The following CTTNBP2NL variants were observed in gnomAD, a reference collection of about 807,000 sequenced individuals.
CTTNBP2NL encodes the protein CTTNBP2 N-terminal-like protein.
A neutral mutation model predicts 32.5 loss-of-function variants in CTTNBP2NL; 16 were observed. The observed-to-expected ratio is 0.49, with a 90% confidence interval of 0.33 to 0.75. The LOEUF is 0.75. Among genes scored for constraint, CTTNBP2NL ranks in the 30% least tolerant of loss-of-function variants. The pLI is 0.02. For synonymous variants in CTTNBP2NL, 298 were observed against 289.4 expected (o/e 1.03, Z -0.30); for missense variants, 645 against 756.0 (o/e 0.85, Z 1.72).
At chr1:112,452,341 T>C (rs1650248977) in intron 4 of CTTNBP2NL, among the ~76,000 whole-genome samples, 2 of 138,894 alleles carry the variant, frequency 1.4e-5, no homozygotes, top group African/African-American at 2.9e-5. Context: ...TCTTCTTTTT[T>C]TTTTTTTTTT....
chr1:112,403,827 G>C (rs1648578099), intron 1 of CTTNBP2NL, among the ~76,000 whole-genome samples: 1 of 152,230 alleles, frequency 6.6e-6, no homozygotes, highest in African/African-American at 2.4e-5. Flanking sequence ...AACTGGCCAG[G>C]CCATCTCTTT....
upstream of CTTNBP2NL, among the ~76,000 whole-genome samples, chr1:112,391,396 C>T (rs1031417740): frequency 6.6e-6 from 1 of 152,226 alleles, no homozygotes; most frequent in Non-Finnish European, 1.5e-5. Context: ...TCACTCAGCA[C>T]TCAGCATCTT....
In CTTNBP2NL at chr1:112,423,798, A is replaced by G. The variant is rs186524421; in HGVS notation, c.99+7534A>G. Among the ~76,000 whole-genome samples, 26 of 152,320 alleles carry G rather than the reference A, an allele frequency of 1.7e-4. No homozygotes were observed. The East Asian group carries it at 4.6e-3, about 27-fold the overall frequency. On this transcript the variant is annotated intron_variant, in intron 3 of 5. Transcript: ENST00000271277. Reference sequence around the variant, plus strand: ...GAGTGCAGTGATGCGATCTCGGCTCACTGCAACCTTTGGCTCCCGGATTCA... The same window carrying G: ...GAGTGCAGTGATGCGATCTCGGCTCGCTGCAACCTTTGGCTCCCGGATTCA...
At chr1:112,401,533 G>A (rs1479190472) in intron 1 of CTTNBP2NL, among the ~76,000 whole-genome samples, 3 of 152,166 alleles carry the variant, frequency 2.0e-5, no homozygotes, top group Non-Finnish European at 4.4e-5. Context: ...TACCTTCTGT[G>A]AAATTTAAGG....
At chr1:112,399,605 G>A (rs1033570142) in intron 1 of CTTNBP2NL, among the ~76,000 whole-genome samples, 1 of 151,958 alleles carries the variant, frequency 6.6e-6, no homozygotes, top group Non-Finnish European at 1.5e-5. Flanking sequence ...TTGAATTCTT[G>A]GTTTTTCTGA....
In CTTNBP2NL at chr1:112,460,518, A is replaced by G. The variant is rs889750570; in HGVS notation, c.*3106A>G. The G allele has an allele frequency of 1.3e-5, 2 of 152,206 alleles. No individual in the cohort carries two copies. The highest frequency in any genetic ancestry group is 4.8e-5 in the African/African-American group (2 of 41,452). The allele number at this position is 152,206 out of a possible 1,614,324, so 9.4% of individuals were successfully genotyped here. On this transcript the variant is annotated 3_prime_UTR_variant, in exon 6 of 6. Coordinates refer to ENST00000271277, the MANE Select transcript of CTTNBP2NL (RefSeq NM_018704.3). ...GAATCTTAGAAAAGCCATGGAGTTT[A>G]TCCCTAGAAAAATGAATATGCCTAT...
At chr1:112,440,212 A>G (rs887504357) in intron 3 of CTTNBP2NL, among the ~76,000 whole-genome samples, 2 of 152,242 alleles carry the variant, frequency 1.3e-5, no homozygotes, top group African/African-American at 4.8e-5. Flanking sequence ...TTGGTTGTTT[A>G]ACCCTGATAA....
chr1:112,416,009 A>G, intron 2 of CTTNBP2NL, 148 bp from the exon 3 acceptor site: 1 of 573,760 alleles, frequency 1.7e-6, no homozygotes, highest in Non-Finnish European at 3.0e-6. Flanking sequence ...GATTAACACC[A>G]GAAAACATAT....
chr1:112,437,252 G>A (rs1172344978), intron 3 of CTTNBP2NL, among the ~76,000 whole-genome samples: 2 of 152,184 alleles, frequency 1.3e-5, no homozygotes, highest in Non-Finnish European at 2.9e-5. Context: ...CACTAATAGT[G>A]TATAAGTGTT....
intron 4 of CTTNBP2NL, among the ~76,000 whole-genome samples, chr1:112,452,244 C>G (rs944181667): frequency 3.3e-5 from 5 of 151,730 alleles, no homozygotes; most frequent in Admixed American, 3.3e-4. Context: ...GATCATAGCA[C>G]CCTATAGCCT....
rs115182108 is a variant in CTTNBP2NL, at chr1:112,411,635, A to T, written c.-133-559A>T. On this transcript the variant is annotated intron_variant, in intron 1 of 5. Transcript: ENST00000271277. ...GATTGTTGGGAGGTGAGGAGATGAG[A>T]ATTTTCCTTATATGAATTTGGCAGT... 6.3e-3 allele frequency among the ~76,000 whole-genome samples: 960 copies of T among 151,970 alleles called. 12 individuals carry two copies. The highest frequency in any genetic ancestry group is 0.022 in the African/African-American group (920 of 41,436).
At chr1:112,422,805 A>G (rs1649270285) in intron 3 of CTTNBP2NL, among the ~76,000 whole-genome samples, 2 of 151,596 alleles carry the variant, frequency 1.3e-5, no homozygotes, top group African/African-American at 4.9e-5. Context: ...GTATTTTTTT[A>G]TTTTAGAGAT....
At chr1:112,430,167 CTTTCTTTTCT>C (rs202124796) in intron 3 of CTTNBP2NL, among the ~76,000 whole-genome samples, 4,635 of 143,876 alleles carry the variant, frequency 0.032, 85 homozygotes, top group Middle Eastern at 0.053. Context: ...TAGCTCTTTT[CTTTCTTTTCT>C]TTTCTTTTCT....
intron 3 of CTTNBP2NL, among the ~76,000 whole-genome samples, chr1:112,439,783 G>A (rs762936194): frequency 5.8e-4 from 88 of 152,130 alleles, no homozygotes; most frequent in Non-Finnish European, 2.1e-4. Flanking sequence ...GGTGTTTCCT[G>A]TAATTCATTA....
rs1366995840 is a variant in CTTNBP2NL, at chr1:112,460,101, G to A, written c.*2689G>A. On this transcript the variant is annotated 3_prime_UTR_variant, in exon 6 of 6. Coordinates refer to ENST00000271277, the MANE Select transcript of CTTNBP2NL (RefSeq NM_018704.3). Reference sequence around the variant, plus strand: ...AACCCATGTTGCAAAAGCTGTTACTGGCCAACAGATTGTAATGATGTGTAC... The same window carrying A: ...AACCCATGTTGCAAAAGCTGTTACTAGCCAACAGATTGTAATGATGTGTAC... 1 of 152,104 alleles carries A rather than the reference G, an allele frequency of 6.6e-6. No individual in the cohort carries two copies. The highest frequency in any genetic ancestry group is 1.5e-5 in the Non-Finnish European group (1 of 68,022). 9.4% of individuals were successfully genotyped at this position (152,104 alleles called of 1,614,324 possible).
At chr1:112,392,935 G>A (rs1001926065), upstream of CTTNBP2NL, among the ~76,000 whole-genome samples, 1 of 152,032 alleles carries the variant, frequency 6.6e-6, no homozygotes, top group Non-Finnish European at 1.5e-5. Flanking sequence ...TCGGCTCACT[G>A]CAACCTCCAT....
chr1:112,449,133 G>C lies in CTTNBP2NL; in HGVS notation c.291G>C (p.Met97Ile). 1 of 1,613,464 alleles carries C rather than the reference G, an allele frequency of 6.2e-7. No individual in the cohort carries two copies. Among genetic ancestry groups the C allele is most frequent in the Non-Finnish European group, 8.5e-7 (1 of 1,179,438 alleles). ...MKQCKNMQER[M>I]LSQLAAAESR... ...AGTGCAAGAACATGCAGGAGCGCAT[G>C]CTGTCCCAGCTGGCTGCTGCTGAGA... The change falls in exon 4 of 6, where the codon ATG (methionine) becomes ATC (isoleucine). Residue 97 changes from methionine (M) to isoleucine (I), a missense_variant. Coordinates refer to ENST00000271277, the MANE Select transcript of CTTNBP2NL (RefSeq NM_018704.3).
At chr1:112,420,084 G>A (rs770637600) in intron 3 of CTTNBP2NL, among the ~76,000 whole-genome samples, 20 of 151,182 alleles carry the variant, frequency 1.3e-4, no homozygotes, top group Non-Finnish European at 2.1e-4. Flanking sequence ...ATTATAAAAC[G>A]TTAATGAATT....
rs764902595 is a variant in CTTNBP2NL, at chr1:112,456,996, C to G, written c.1504C>G (p.Arg502Gly). ...CAACTCTGCCGCCAAGCAGCTGGCC[C>G]GAAACACAGTCACTCAGGTGCTCTC... ...IDNSAAKQLA[R>G]NTVTQVLSRF... The change falls in exon 6 of 6, where the codon CGA becomes GGA. Residue 502 changes from arginine (R) to glycine (G), a missense_variant. Arg to Gly is a moderately radical substitution (Grantham distance 125, BLOSUM62 -2). Coordinates refer to ENST00000271277, the MANE Select transcript of CTTNBP2NL (RefSeq NM_018704.3). The G allele has an allele frequency of 1.2e-6, 2 of 1,613,952 alleles. No homozygotes were observed. The highest frequency in any genetic ancestry group is 2.7e-5 in the African/African-American group (2 of 74,858).
Sources: allele counts gnomAD v4.1 joint callset (sites outside exome capture counted in the v4.1 genomes callset), GRCh38; gene constraint gnomAD v4.1.1; transcripts MANE v1.5; gene names NCBI Gene and HGNC (gene_info 2026-07-23, HGNC 2026-07-21).